Variants in MOK observed in about 807,000 individuals in gnomAD.
The protein encoded by MOK is MAPK/MAK/MRK overlapping kinase.
In MOK, 59 loss-of-function variants were observed where a neutral mutation model predicts 54.2. That is an observed-to-expected ratio of 1.09 (90% CI 0.88 to 1.35). The LOEUF (loss-of-function observed/expected upper bound fraction) is 1.35, where lower values mean the gene tolerates loss of function less well. Among genes scored for constraint, MOK ranks in the 40% most tolerant of loss-of-function variants. The pLI is 0.00. For synonymous variants in MOK, 210 were observed against 202.7 expected, an observed-to-expected ratio of 1.04 and a Z score of -0.31; for missense variants, 517 against 526.2, an observed-to-expected ratio of 0.98 and a Z score of 0.17.
intron 7 of MOK, 28 bp downstream of exon 7, chr14:102,250,784 A>C (rs754358793): frequency 6.2e-7 from 1 of 1,604,326 alleles, no homozygotes; most frequent in Non-Finnish European, 8.5e-7. Context: ...CGCCGCAGGA[A>C]CCAGGCAGGA....
intron 2 of MOK, among the ~76,000 whole-genome samples, chr14:102,271,911 C>T (rs1052658311): frequency 2.0e-5 from 3 of 152,036 alleles, no homozygotes; most frequent in African/African-American, 7.2e-5. Flanking sequence ...CAGGGTCTCA[C>T]TCTGTGGCCC....
intron 1 of MOK, among the ~76,000 whole-genome samples, chr14:102,290,010 T>C (rs2070576913): frequency 6.6e-6 from 1 of 152,122 alleles, no homozygotes; most frequent in Non-Finnish European, 1.5e-5. Flanking sequence ...TCTTCTGGTT[T>C]CTCAAAACAG....
downstream of MOK, among the ~76,000 whole-genome samples, chr14:102,222,644 C>T (rs2064042916): frequency 6.6e-6 from 1 of 152,216 alleles, no homozygotes; most frequent in African/African-American, 2.4e-5. The surrounding 1 kb of genome is among the most constrained non-coding windows in gnomAD (Gnocchi z 4.4). Flanking sequence ...GGTTCCAATT[C>T]TCTAGGAATG....
At chr14:102,253,038 T>C (rs567756496) in intron 4 of MOK, among the ~76,000 whole-genome samples, 33 of 152,232 alleles carry the variant, frequency 2.2e-4, no homozygotes, top group Non-Finnish European at 4.1e-4. Flanking sequence ...ATCAGCTGCA[T>C]AGTGACTCTG....
Position 102,230,954 on chromosome 14 carries a change from A to G in MOK, c.981+753T>C, listed in dbSNP as rs1216674937. 6.6e-6 allele frequency: 1 copy of G among 152,278 alleles called. No individual in the cohort carries two copies. Among genetic ancestry groups the G allele is most frequent in the African/African-American group, 2.4e-5 (1 of 41,444 alleles). 9.4% of individuals were successfully genotyped at this position (152,278 alleles called of 1,614,324 possible). A position where few individuals can be genotyped will look rare whatever the true frequency, so the allele number is the denominator to read the frequency against. On this transcript the variant is annotated intron_variant, in intron 10 of 11. Coordinates refer to ENST00000361847, the MANE Select transcript of MOK (RefSeq NM_014226.3). This position sits in a 1 kb window ranked among gnomAD's most constrained non-coding sequence, Gnocchi z 4.1. ...GACACAGGAGCCTGGCTTTCTGGAG[A>G]GCAGCCTGACTGCAGCTCTGGGTTC...
chr14:102,265,140 G>T (rs941992736), intron 3 of MOK, among the ~76,000 whole-genome samples: 1 of 152,200 alleles, frequency 6.6e-6, no homozygotes, highest in Non-Finnish European at 1.5e-5. Flanking sequence ...ACAGGAGACT[G>T]TTCAGAAATG....
In MOK at chr14:102,251,783, A is replaced by T; in HGVS notation, c.384T>A (p.Asp128Glu). ...HIHRNGIFHR[D>E]VKPENILIKQ... Reference sequence around the variant, plus strand: ...TTATTAGTATATTTTCTGGTTTTACATCTCTGTGAAATATTCCATTTCTGC... The same window carrying T: ...TTATTAGTATATTTTCTGGTTTTACTTCTCTGTGAAATATTCCATTTCTGC... Residue 128 changes from aspartate to glutamate, a missense_variant, in exon 6 of 12, where the codon GAT (aspartate) becomes GAA (glutamate). Transcript: ENST00000361847. 2 of 1,572,882 alleles carry T rather than the reference A, an allele frequency of 1.3e-6. No homozygotes were observed. The highest frequency in any genetic ancestry group is 1.7e-6 in the Non-Finnish European group (2 of 1,144,270).
chr14:102,244,475 A>G (rs1177730962), intron 7 of MOK, among the ~76,000 whole-genome samples: 6 of 152,044 alleles, frequency 3.9e-5, no homozygotes, highest in Admixed American at 2.0e-4. Context: ...CCTTTCCATC[A>G]TGGAAATCTA....
In MOK at chr14:102,230,304, C is replaced by T. The variant is rs139452254; in HGVS notation, c.982-647G>A. 2.0e-4 allele frequency: 30 copies of T among 152,364 alleles called. No individual in the cohort carries two copies. The highest frequency in any genetic ancestry group is 6.8e-4 in the African/African-American group (28 of 41,402). The allele number at this position is 152,364 out of a possible 1,614,324, so 9.4% of individuals were successfully genotyped here. A position where few individuals can be genotyped will look rare whatever the true frequency, so the allele number is the denominator to read the frequency against. On this transcript the variant is annotated intron_variant, in intron 10 of 11. Transcript: ENST00000361847. This position sits in a 1 kb window ranked among gnomAD's most constrained non-coding sequence, Gnocchi z 4.1. ...CTCAAGTGATCCTACCCTGGCCTCC[C>T]TAAGCACTGGGTTTACAGGTGTGAG...
intron 1 of MOK, among the ~76,000 whole-genome samples, chr14:102,292,196 G>A (rs547148844): frequency 3.9e-5 from 6 of 152,058 alleles, no homozygotes; most frequent in South Asian, 2.1e-4. Flanking sequence ...TACATAGGCC[G>A]GGTGCGGTGG....
chr14:102,229,485 G>T lies in MOK; in HGVS notation c.1154C>A (p.Pro385His). The T allele has an allele frequency of 6.2e-7, 1 of 1,614,150 alleles. No individual in the cohort carries two copies. Among genetic ancestry groups the T allele is most frequent in the Admixed American group, 1.7e-5 (1 of 60,028 alleles). The change falls in exon 11 of 12, where the codon CCC (proline) becomes CAC (histidine). Residue 385 changes from proline (P) to histidine (H), a missense_variant. Coordinates refer to ENST00000361847, the MANE Select transcript of MOK (RefSeq NM_014226.3). Reference sequence around the variant, plus strand: ...CTTGCTCGCAGGGATGCACTTCAAGGGTCTCAGCACCGGCACTCTTCCATT... The same window carrying T: ...CTTGCTCGCAGGGATGCACTTCAAGTGTCTCAGCACCGGCACTCTTCCATT... ...GTNGRVPVLRPLKCIPASKKT... is the reference protein window; with the variant it reads ...GTNGRVPVLRHLKCIPASKKT...
the MOK span, among the ~76,000 whole-genome samples, chr14:102,218,860 G>A: frequency 6.6e-6 from 1 of 152,242 alleles, no homozygotes; most frequent in Non-Finnish European, 1.5e-5. Flanking sequence ...TGCTTCTGGT[G>A]CACAGCCCAG....
Position 102,249,088 on chromosome 14 carries a change from G to A in MOK, c.590+1724C>T, listed in dbSNP as rs2066328996. On this transcript the variant is annotated intron_variant, in intron 7 of 11. Transcript: ENST00000361847. This position sits in a 1 kb window ranked among gnomAD's most constrained non-coding sequence, Gnocchi z 5.3. ...CACGGAACACGAGGAACTCAGCCTG[G>A]CGTGTGCAGCGACCTTAGCTGCTGG... Among the ~76,000 whole-genome samples, 2 of 152,120 alleles carry A rather than the reference G, an allele frequency of 1.3e-5. No homozygotes were observed. Among genetic ancestry groups the A allele is most frequent in the African/African-American group, 4.8e-5 (2 of 41,434 alleles).
intron 2 of MOK, among the ~76,000 whole-genome samples, chr14:102,273,851 C>T (rs2068603952): frequency 6.6e-6 from 1 of 152,160 alleles, no homozygotes; most frequent in Non-Finnish European, 1.5e-5. Flanking sequence ...GACGGTTATA[C>T]CATGTTTATG....
chr14:102,282,941 G>A (rs1267728297), intron 2 of MOK, among the ~76,000 whole-genome samples: 1 of 150,738 alleles, frequency 6.6e-6, no homozygotes, highest in Non-Finnish European at 1.5e-5. Flanking sequence ...TGCAGTTGCA[G>A]CTACTAGGAG....
At chr14:102,268,562 CATA>C (rs2068091027) in intron 2 of MOK, among the ~76,000 whole-genome samples, 1 of 152,026 alleles carries the variant, frequency 6.6e-6, no homozygotes, top group South Asian at 2.1e-4. Flanking sequence ...TGACATTTAC[CATA>C]AGTGGAATCT....
intron 1 of MOK, among the ~76,000 whole-genome samples, chr14:102,299,732 T>G (rs561814158): frequency 6.6e-6 from 1 of 152,034 alleles, no homozygotes; most frequent in Non-Finnish European, 1.5e-5. Flanking sequence ...ACCACAGGCA[T>G]GCACTGCCAT....
chr14:102,245,805 T>C lies in MOK; in HGVS notation c.590+5007A>G, dbSNP rs2066051138. On this transcript the variant is annotated intron_variant, in intron 7 of 11. Coordinates refer to ENST00000361847, the MANE Select transcript of MOK (RefSeq NM_014226.3). This position sits in a 1 kb window ranked among gnomAD's most constrained non-coding sequence, Gnocchi z 4.3. Reference sequence around the variant, plus strand: ...CTACTGCAGCCAAACTCTCAGGACATACCCCCTAGTATCACCTTTCCAGGT... The same window carrying C: ...CTACTGCAGCCAAACTCTCAGGACACACCCCCTAGTATCACCTTTCCAGGT... Among the ~76,000 whole-genome samples the C allele has an allele frequency of 1.3e-5, 2 of 152,240 alleles. No homozygotes were observed. Among genetic ancestry groups the C allele is most frequent in the African/African-American group, 4.8e-5 (2 of 41,536 alleles).
At chr14:102,225,032 G>A (rs2064187562), downstream of MOK, 1 of 321,292 alleles carries the variant, frequency 3.1e-6, no homozygotes, top group Non-Finnish European at 6.0e-6. Flanking sequence ...GTATTTGGAA[G>A]GCAGAAGGAA....
Sources: gnomAD v4.1 joint callset for allele counts (sites outside exome capture counted in the v4.1 genomes callset) on GRCh38, gnomAD v4.1.1 for gene constraint, Gnocchi (gnomAD v3.1) non-coding constraint, MANE v1.5 for transcripts, NCBI Gene and HGNC (gene_info 2026-07-23, HGNC 2026-07-21) for gene names.